Variants in CSMD1 observed in about 807,000 individuals in gnomAD.
The protein encoded by CSMD1 is CUB and Sushi multiple domains 1.
CSMD1 carries 213 observed loss-of-function variants against 417.5 expected under a neutral mutation model. The observed-to-expected ratio is 0.51, with a 90% CI of 0.46 to 0.57. The LOEUF (loss-of-function observed/expected upper bound fraction) is 0.57, where lower values mean the gene tolerates loss of function less well. Ranked by LOEUF, CSMD1 falls within the 20% of genes least tolerant of loss-of-function variation. The pLI is 0.00. For missense variants in CSMD1, 6,923 were observed against 4,529.7 expected (o/e 1.53, Z -15.17); for synonymous variants, 2,862 against 1,736.8 (o/e 1.65, Z -16.11).
intron 2 of CSMD1, among the ~76,000 whole-genome samples, chr8:4,596,458 A>C (rs1800283302): frequency 6.6e-6 from 1 of 152,296 alleles, no homozygotes; most frequent in Non-Finnish European, 1.5e-5. Flanking sequence ...TTATGCAAAT[A>C]ATTTTCATCA....
chr8:4,812,780 T>A (rs1561358), intron 1 of CSMD1, among the ~76,000 whole-genome samples: 10,570 of 152,254 alleles, frequency 0.069, 612 homozygotes, highest in East Asian at 0.24. Flanking sequence ...TTCTCATGCA[T>A]TTTTGTAGAT....
chr8:3,822,085 G>A (rs1585047448), intron 5 of CSMD1, among the ~76,000 whole-genome samples: 1 of 152,096 alleles, frequency 6.6e-6, no homozygotes, highest in Non-Finnish European at 1.5e-5. Flanking sequence ...TTCCTGAAAT[G>A]TCCTATGTTT....
At chr8:4,927,296 G>C (rs114648141) in intron 1 of CSMD1, among the ~76,000 whole-genome samples, 2 of 151,856 alleles carry the variant, frequency 1.3e-5, no homozygotes, top group Non-Finnish European at 2.9e-5. Flanking sequence ...GTCCTCAAGC[G>C]ATCTGCCAGC....
intron 15 of CSMD1, among the ~76,000 whole-genome samples, chr8:3,405,287 G>C (rs534557395): frequency 6.6e-6 from 1 of 152,036 alleles, no homozygotes; most frequent in Admixed American, 6.6e-5. Context: ...ATTCTGATAT[G>C]GACTGTGAAC....
rs553216170 is a variant in CSMD1 at position 4,004,949 on chromosome 8, T to C, written c.611-6839A>G. Among the ~76,000 whole-genome samples, 6 of 152,258 alleles carry C rather than the reference T, an allele frequency of 3.9e-5. No individual in the cohort carries two copies. In the South Asian group the frequency reaches 1.0e-3, roughly 26 times the overall value. ...TTAGTAGAGACAGGGTTTCACCGTG[T>C]TAGCCAGGATGGTCTCAATCTCCTG... On this transcript the variant is annotated intron_variant, in intron 4 of 69. Coordinates refer to ENST00000635120, the MANE Select transcript of CSMD1 (RefSeq NM_033225.6).
chr8:3,914,322 G>C (rs1334519566), intron 5 of CSMD1, among the ~76,000 whole-genome samples: 4 of 151,880 alleles, frequency 2.6e-5, no homozygotes, highest in Non-Finnish European at 4.4e-5. Context: ...ACGAGGAAGA[G>C]AATGGGGCCT....
At chr8:3,753,068 A>G (rs1797442642) in intron 6 of CSMD1, among the ~76,000 whole-genome samples, 1 of 152,144 alleles carries the variant, frequency 6.6e-6, no homozygotes, top group African/African-American at 2.4e-5. Flanking sequence ...AGCATGGAGG[A>G]TGCTGTAATT....
intron 3 of CSMD1, among the ~76,000 whole-genome samples, chr8:4,319,711 G>C (rs1324880995): frequency 6.6e-6 from 1 of 152,052 alleles, no homozygotes; most frequent in African/African-American, 2.4e-5. Flanking sequence ...GGCAGTTCTT[G>C]GATTAGAGGA....
At chr8:4,007,358 C>T (rs756308207) in intron 4 of CSMD1, among the ~76,000 whole-genome samples, 4 of 152,224 alleles carry the variant, frequency 2.6e-5, no homozygotes, top group Non-Finnish European at 5.9e-5. Context: ...CTTTTCCTCA[C>T]TGGGTCTAGC....
intron 12 of CSMD1, among the ~76,000 whole-genome samples, chr8:3,453,183 C>A (rs1296808661): frequency 6.6e-6 from 1 of 151,840 alleles, no homozygotes; most frequent in South Asian, 2.1e-4. Context: ...TTTTTTATTG[C>A]TTCTATTTGA....
intron 8 of CSMD1, among the ~76,000 whole-genome samples, chr8:3,606,177 G>A (rs1317669511): frequency 2.0e-5 from 3 of 152,156 alleles, no homozygotes; most frequent in African/African-American, 4.8e-5. Flanking sequence ...GTGTGGGTGG[G>A]GGAGGACAGA....
At chr8:4,702,633 G>T (rs540671618) in intron 1 of CSMD1, among the ~76,000 whole-genome samples, 4 of 152,118 alleles carry the variant, frequency 2.6e-5, no homozygotes, top group African/African-American at 9.7e-5. Context: ...AGAACACACT[G>T]AGAATCACAA....
intron 3 of CSMD1, among the ~76,000 whole-genome samples, chr8:4,070,364 C>G (rs746073275): frequency 6.6e-6 from 1 of 151,922 alleles, no homozygotes; most frequent in Non-Finnish European, 1.5e-5. Context: ...TATTTACCAC[C>G]TATAATGTTT....
chr8:3,345,000 T>C (rs1563293275), intron 22 of CSMD1, among the ~76,000 whole-genome samples: 1 of 152,192 alleles, frequency 6.6e-6, no homozygotes, highest in Non-Finnish European at 1.5e-5. Context: ...ACTAAATGGT[T>C]TTAATTCCAG....
At chr8:3,503,784 A>C (rs1285702427) in intron 10 of CSMD1, among the ~76,000 whole-genome samples, 1 of 151,804 alleles carries the variant, frequency 6.6e-6, no homozygotes, top group East Asian at 1.9e-4. Context: ...AATGGCCTAA[A>C]AAGCAGCCCC....
chr8:3,852,782 C>T (rs773364417), intron 5 of CSMD1, among the ~76,000 whole-genome samples: 2 of 152,044 alleles, frequency 1.3e-5, no homozygotes, highest in South Asian at 4.1e-4. Context: ...CCATTCCAGC[C>T]TCTTCTGTCT....
chr8:4,550,932 G>T (rs73182988), intron 2 of CSMD1, among the ~76,000 whole-genome samples: 5,441 of 152,214 alleles, frequency 0.036, 140 homozygotes, highest in Non-Finnish European at 0.055. Flanking sequence ...TTAGTTTCCT[G>T]AGTATCTGAC....
chr8:3,369,922 G>A (rs1809841800), intron 18 of CSMD1, among the ~76,000 whole-genome samples: 1 of 152,094 alleles, frequency 6.6e-6, no homozygotes, highest in Non-Finnish European at 1.5e-5. Flanking sequence ...TGTGATCTCT[G>A]GTAAGTCTCT....
At chr8:4,845,542 CT>C (rs1210437905) in intron 1 of CSMD1, among the ~76,000 whole-genome samples, 1 of 152,240 alleles carries the variant, frequency 6.6e-6, no homozygotes, top group Non-Finnish European at 1.5e-5. Flanking sequence ...CACTGTTGAA[CT>C]TTGGCCTACG....
Sources: gnomAD v4.1 joint callset for allele counts (sites outside exome capture counted in the v4.1 genomes callset) on GRCh38, gnomAD v4.1.1 for gene constraint, MANE v1.5 for transcripts, NCBI Gene and HGNC (gene_info 2026-07-23, HGNC 2026-07-21) for gene names.